Variants in PCM1 observed in about 807,000 individuals in gnomAD.
PCM1 encodes the protein pericentriolar material 1 protein.
In PCM1, 157 loss-of-function variants were observed where a neutral mutation model predicts 241.9. The observed-to-expected ratio is 0.65, with a 90% confidence interval of 0.57 to 0.74. The LOEUF is 0.74. Ranked by LOEUF, PCM1 falls within the 30% of genes least tolerant of loss-of-function variation. The pLI is 0.00. For synonymous variants in PCM1, 1,085 were observed against 784.9 expected (o/e 1.38, Z -6.39); for missense variants, 3,478 against 2,360.1 (o/e 1.47, Z -9.81).
chr8:17,964,855 C>A (rs577189451), intron 18 of PCM1, 87 bp downstream of exon 18: 2 of 934,488 alleles, frequency 2.1e-6, no homozygotes, highest in East Asian at 2.4e-5. Context: ...GTTCTCCAAG[C>A]CAACTGAATG....
chr8:17,946,970 T>A (rs1390792798), intron 6 of PCM1, among the ~76,000 whole-genome samples: 1 of 152,088 alleles, frequency 6.6e-6, no homozygotes, highest in Non-Finnish European at 1.5e-5. Flanking sequence ...ATTATGTAGC[T>A]TTTTACTGTG....
chr8:17,943,432 A>G (rs907254741), intron 6 of PCM1, among the ~76,000 whole-genome samples: 1 of 152,208 alleles, frequency 6.6e-6, no homozygotes, highest in African/African-American at 2.4e-5. Flanking sequence ...GAAGCATAAT[A>G]GGTAACCATT....
At chr8:17,926,417 T>C (rs1179179205) in intron 2 of PCM1, 1 of 152,238 alleles carries the variant, frequency 6.6e-6, no homozygotes, top group African/African-American at 2.4e-5. Context: ...CAACGTGCTA[T>C]GTAATGACTA....
chr8:17,989,621 G>T (rs1345897839), intron 26 of PCM1, among the ~76,000 whole-genome samples: 1 of 151,878 alleles, frequency 6.6e-6, no homozygotes, highest in East Asian at 1.9e-4. Flanking sequence ...CTTTGTGTGT[G>T]TTTATCTACA....
chr8:17,944,473 A>G (rs191212443), intron 6 of PCM1, among the ~76,000 whole-genome samples: 40 of 152,322 alleles, frequency 2.6e-4, no homozygotes, highest in African/African-American at 9.1e-4. Flanking sequence ...GAGGAAAGGA[A>G]GATTGAGGGT....
chr8:18,006,773 C>A (rs1264041422), intron 30 of PCM1, among the ~76,000 whole-genome samples: 1 of 152,092 alleles, frequency 6.6e-6, no homozygotes, highest in Non-Finnish European at 1.5e-5. Flanking sequence ...AAGCCAGAGA[C>A]CAGCTGGTTG....
chr8:17,954,045 A>G (rs980739800), intron 9 of PCM1, among the ~76,000 whole-genome samples: 2 of 152,330 alleles, frequency 1.3e-5, no homozygotes, highest in Admixed American at 1.3e-4. Flanking sequence ...GTCCTAAAAC[A>G]TACTCCTTTC....
chr8:18,021,663 C>T (rs1212621055), intron 36 of PCM1, among the ~76,000 whole-genome samples: 3 of 152,152 alleles, frequency 2.0e-5, no homozygotes, highest in African/African-American at 2.4e-5. Flanking sequence ...CCTTGTCATC[C>T]TCGGTCTTCT....
At chr8:17,955,424 G>A in intron 9 of PCM1, 46 bp from the exon 10 acceptor site, 3 of 1,383,384 alleles carry the variant, frequency 2.2e-6, no homozygotes, top group Non-Finnish European at 2.9e-6. Context: ...TTTGTTTATG[G>A]TAACTGGTGA....
At chr8:17,992,545 T>C (rs2085053503) in intron 28 of PCM1, among the ~76,000 whole-genome samples, 1 of 152,000 alleles carries the variant, frequency 6.6e-6, no homozygotes, top group African/African-American at 2.4e-5. Flanking sequence ...CACCAAAAAG[T>C]TTTTTGGCCA....
intron 29 of PCM1, among the ~76,000 whole-genome samples, chr8:17,997,350 A>G (rs1182072823): frequency 6.6e-6 from 1 of 152,118 alleles, no homozygotes; most frequent in Non-Finnish European, 1.5e-5. Flanking sequence ...CAGTTTGATT[A>G]TTAAATGCCT....
chr8:17,936,277 T>C (rs2060407555), intron 3 of PCM1, among the ~76,000 whole-genome samples: 1 of 152,150 alleles, frequency 6.6e-6, no homozygotes. Context: ...GTAAGTAGTG[T>C]AACAGGTTGG....
At position 17,957,345 on chromosome 8, in the gene PCM1, A is replaced by G. The variant is rs1190685303; in HGVS notation, c.1728A>G (p.Arg576=). The change falls in exon 12 of 39, where the codon CGA becomes CGG. Residue 576 remains arginine, a synonymous_variant. Transcript: ENST00000325083. ...AQCVSNNRDG[R]TVNSNCEINN... ...GTGTTTCTAATAATAGAGATGGGCG[A>G]ACAGTTAATTCTAATTGTGAAATTA... The G allele has an allele frequency of 6.2e-7, 1 of 1,611,226 alleles. No homozygotes were observed. The highest frequency in any genetic ancestry group is 1.3e-5 in the African/African-American group (1 of 74,896).
At chr8:17,953,296 T>C in intron 9 of PCM1, 110 bp downstream of exon 9, 1 of 541,136 alleles carries the variant, frequency 1.8e-6, no homozygotes, top group Non-Finnish European at 3.1e-6. Flanking sequence ...CAAAAATATT[T>C]GTAGGGACTT....
At chr8:17,984,999 A>G (rs1039982395) in intron 24 of PCM1, among the ~76,000 whole-genome samples, 6 of 151,910 alleles carry the variant, frequency 3.9e-5, no homozygotes, top group African/African-American at 1.2e-4. Flanking sequence ...AGTAGCTTTC[A>G]TTGGCAGCAT....
chr8:17,958,053 T>G (rs1330192522), intron 13 of PCM1, among the ~76,000 whole-genome samples: 2 of 152,214 alleles, frequency 1.3e-5, no homozygotes. Context: ...TAAATGAGAA[T>G]GATTATTTGC....
At chr8:18,005,582 A>C (rs940175850) in intron 29 of PCM1, among the ~76,000 whole-genome samples, 1 of 152,148 alleles carries the variant, frequency 6.6e-6, no homozygotes, top group Admixed American at 6.5e-5. Context: ...TTATGGACTC[A>C]ACCTCAGAAA....
At chr8:17,971,824 T>G (rs570903643) in intron 22 of PCM1, among the ~76,000 whole-genome samples, 1 of 152,304 alleles carries the variant, frequency 6.6e-6, no homozygotes, top group South Asian at 2.1e-4. Flanking sequence ...GCTCACTGCC[T>G]CCTTGAATTC....
In PCM1 at chr8:17,956,470, C is replaced by CT. The variant is rs2068550321; in HGVS notation, c.1473-133dup. ...CCTCATTATTTTACAGTCATACCCC[C>CT]TGGAGAGTTCACTAGGTGGATATTC... On this transcript the variant is annotated intron_variant, in intron 10 of 38. Transcript: ENST00000325083. The CT allele has an allele frequency of 2.3e-5, 14 of 620,088 alleles. 1 individual carries two copies. In the South Asian group the frequency reaches 2.8e-4, roughly 13 times the overall value. The allele number at this position is 620,088 out of a possible 1,614,324, so 38.4% of individuals were successfully genotyped here. A position where few individuals can be genotyped will look rare whatever the true frequency, so the allele number is the denominator to read the frequency against.
Sources: gnomAD v4.1 joint callset for allele counts (sites outside exome capture counted in the v4.1 genomes callset) on GRCh38, gnomAD v4.1.1 for gene constraint, MANE v1.5 for transcripts, NCBI Gene and HGNC (gene_info 2026-07-23, HGNC 2026-07-21) for gene names.